Variants in SH3GL2 observed in about 807,000 individuals in gnomAD.
SH3GL2 encodes endophilin-A1.
A neutral mutation model predicts 46.0 loss-of-function variants in SH3GL2; 24 were observed. The ratio of observed to expected loss-of-function variants is 0.52; its 90% CI spans 0.38 to 0.73. The LOEUF (loss-of-function observed/expected upper bound fraction) is 0.73, where lower values mean the gene tolerates loss of function less well. Ranked by LOEUF, SH3GL2 falls within the 30% of genes least tolerant of loss-of-function variation. The pLI is 0.00. For missense variants in SH3GL2, 413 were observed against 424.2 expected (o/e 0.97, Z 0.23); for synonymous variants, 196 against 147.1 (o/e 1.33, Z -2.40).
At chr9:17,641,516 G>T (rs1819681459) in intron 1 of SH3GL2, among the ~76,000 whole-genome samples, 1 of 152,062 alleles carries the variant, frequency 6.6e-6, no homozygotes, top group African/African-American at 2.4e-5. Flanking sequence ...TGATATACAT[G>T]TGCCATGGTA....
intron 1 of SH3GL2, among the ~76,000 whole-genome samples, chr9:17,617,190 G>A (rs889988710): frequency 6.6e-6 from 1 of 152,154 alleles, no homozygotes; most frequent in Non-Finnish European, 1.5e-5. Context: ...ATTATGCCAT[G>A]ATGTATTTAA....
intron 1 of SH3GL2, among the ~76,000 whole-genome samples, chr9:17,659,994 G>A (rs1820175094): frequency 6.6e-6 from 1 of 152,190 alleles, no homozygotes; most frequent in South Asian, 2.1e-4. Flanking sequence ...TGTAAGTATA[G>A]TGGAAGTATT....
intron 1 of SH3GL2, chr9:17,735,809 C>T (rs1822317944): frequency 2.3e-6 from 2 of 885,838 alleles, no homozygotes; most frequent in Non-Finnish European, 2.7e-6. Flanking sequence ...CTTAAGTTAG[C>T]AGGTAGGTGG....
At chr9:17,784,752 G>T (rs894520966) in intron 3 of SH3GL2, among the ~76,000 whole-genome samples, 1 of 152,116 alleles carries the variant, frequency 6.6e-6, no homozygotes, top group Non-Finnish European at 1.5e-5. Flanking sequence ...GGCTCTTGCT[G>T]TGTCACCCAG....
intron 1 of SH3GL2, among the ~76,000 whole-genome samples, chr9:17,587,683 G>T (rs1818405962): frequency 1.3e-5 from 2 of 152,160 alleles, no homozygotes; most frequent in African/African-American, 4.8e-5. Context: ...TTCAAGACCA[G>T]CCTGGACAAC....
intron 1 of SH3GL2, among the ~76,000 whole-genome samples, chr9:17,650,246 A>G (rs993320363): frequency 6.6e-6 from 1 of 152,242 alleles, no homozygotes; most frequent in Non-Finnish European, 1.5e-5. Flanking sequence ...AACTAGAAAT[A>G]AATGATATCC....
At chr9:17,599,530 G>C (rs1224041636) in intron 1 of SH3GL2, among the ~76,000 whole-genome samples, 1 of 151,608 alleles carries the variant, frequency 6.6e-6, no homozygotes, top group Non-Finnish European at 1.5e-5. Flanking sequence ...TCACAAGTAG[G>C]ATAATTGGGG....
intron 1 of SH3GL2, among the ~76,000 whole-genome samples, chr9:17,627,057 A>G (rs1392468213): frequency 6.6e-6 from 1 of 152,130 alleles, no homozygotes; most frequent in Middle Eastern, 3.2e-3. Context: ...ACTACCCTGT[A>G]TTGGAGGTGC....
At chr9:17,646,791 C>T (rs891754298) in intron 1 of SH3GL2, among the ~76,000 whole-genome samples, 3 of 152,182 alleles carry the variant, frequency 2.0e-5, no homozygotes, top group African/African-American at 7.2e-5. Flanking sequence ...CAGAGCTCTC[C>T]TTTATGAGAT....
chr9:17,711,134 A>G (rs1821610162), intron 1 of SH3GL2, among the ~76,000 whole-genome samples: 1 of 151,904 alleles, frequency 6.6e-6, no homozygotes, highest in Non-Finnish European at 1.5e-5. Flanking sequence ...AACTCATGTA[A>G]GGTGCTTCAA....
At chr9:17,593,774 G>A (rs183818750) in intron 1 of SH3GL2, among the ~76,000 whole-genome samples, 2 of 152,344 alleles carry the variant, frequency 1.3e-5, no homozygotes, top group African/African-American at 4.8e-5. Context: ...TTCTTTAAGA[G>A]AAGCTTTTGA....
intron 1 of SH3GL2, among the ~76,000 whole-genome samples, chr9:17,743,569 A>AAC (rs58408701): frequency 0.042 from 6,014 of 143,650 alleles, 274 homozygotes; most frequent in African/African-American, 0.12. Context: ...CTCTTTTGTG[A>AAC]ACACACACAC....
chr9:17,698,161 A>G (rs1035820624), intron 1 of SH3GL2, among the ~76,000 whole-genome samples: 2 of 152,192 alleles, frequency 1.3e-5, no homozygotes, highest in African/African-American at 4.8e-5. Flanking sequence ...GGATAGGAAG[A>G]CTTTGCAGTC....
At chr9:17,684,881 C>G (rs187470967) in intron 1 of SH3GL2, among the ~76,000 whole-genome samples, 2 of 152,142 alleles carry the variant, frequency 1.3e-5, no homozygotes, top group Non-Finnish European at 2.9e-5. Context: ...TATTACTCTT[C>G]ATTTCACTGC....
intron 1 of SH3GL2, among the ~76,000 whole-genome samples, chr9:17,681,339 TTTG>T (rs1327956516): frequency 2.0e-5 from 3 of 152,298 alleles, no homozygotes; most frequent in Admixed American, 6.5e-5. Context: ...CTTGTCCTTT[TTTG>T]TTCTCTTTTT....
chr9:17,755,696 G>A, intron 2 of SH3GL2: 3 of 729,150 alleles, frequency 4.1e-6, no homozygotes, highest in Non-Finnish European at 5.0e-6. Flanking sequence ...CTCTGCTACA[G>A]CATCTGGTAT....
At chr9:17,618,124 G>A (rs1293632477) in intron 1 of SH3GL2, among the ~76,000 whole-genome samples, 1 of 152,088 alleles carries the variant, frequency 6.6e-6, no homozygotes, top group East Asian at 1.9e-4. Context: ...TTCTCAACCG[G>A]GGATGATTTT....
At position 17,599,076 on chromosome 9, in the gene SH3GL2, A is replaced by G. The variant is rs559292235; in HGVS notation, c.45+19789A>G. Among the ~76,000 whole-genome samples, 7 of 152,362 alleles carry G rather than the reference A, an allele frequency of 4.6e-5. No homozygotes were observed. The East Asian group carries it at 7.7e-4, about 17-fold the overall frequency. ...CAAAAAAGAATAGATTATTTAGTAA[A>G]TGGCATTTGGACAATTAGCTATTCG... is the stretch of plus-strand genomic sequence containing the variant. On this transcript the variant is annotated intron_variant, in intron 1 of 8. Transcript: ENST00000380607.
intron 2 of SH3GL2, among the ~76,000 whole-genome samples, chr9:17,755,062 C>G (rs1822949121): frequency 6.6e-6 from 1 of 152,208 alleles, no homozygotes; most frequent in African/African-American, 2.4e-5. Flanking sequence ...TTGTCTTGTG[C>G]CGGTTTTCAG....
Sources: allele counts gnomAD v4.1 joint callset (sites outside exome capture counted in the v4.1 genomes callset), GRCh38; gene constraint gnomAD v4.1.1; transcripts MANE v1.5; gene names NCBI Gene and HGNC (gene_info 2026-07-23, HGNC 2026-07-21).